Variants in ASTN2 observed in about 807,000 individuals in gnomAD.
ASTN2 encodes the protein astrotactin 2, also known as astrotactin-2.
ASTN2 carries 54 observed loss-of-function variants against 139.8 expected under a neutral mutation model. The ratio of observed to expected loss-of-function variants is 0.39; its 90% CI spans 0.31 to 0.48. The LOEUF (loss-of-function observed/expected upper bound fraction) is 0.48, where lower values mean the gene tolerates loss of function less well. ASTN2 is among the 20% of genes least tolerant of loss of function. The pLI is 0.95. For synonymous variants in ASTN2, 756 were observed against 719.5 expected, an observed-to-expected ratio of 1.05 and a Z score of -0.81; for missense variants, 1,565 against 1,725.1, an observed-to-expected ratio of 0.91 and a Z score of 1.64.
intron 19 of ASTN2, among the ~76,000 whole-genome samples, chr9:116,501,698 G>T: frequency 6.8e-6 from 1 of 147,274 alleles, no homozygotes; most frequent in African/African-American, 2.5e-5. Context: ...TCTGGGGACT[G>T]TTGTGGGGTG....
intron 1 of ASTN2, among the ~76,000 whole-genome samples, chr9:117,383,283 T>C (rs12235727): frequency 0.074 from 11,225 of 152,172 alleles, 699 homozygotes; most frequent in South Asian, 0.2. Flanking sequence ...TCCTGTACTG[T>C]TTGTATCCAT....
At chr9:116,544,511 G>GA (rs1418979813) in intron 19 of ASTN2, among the ~76,000 whole-genome samples, 6 of 152,278 alleles carry the variant, frequency 3.9e-5, no homozygotes, top group African/African-American at 1.4e-4. Flanking sequence ...CCCCATGCCA[G>GA]AAAAAGAGGA....
intron 6 of ASTN2, among the ~76,000 whole-genome samples, chr9:117,027,335 C>T (rs932056529): frequency 2.0e-5 from 3 of 152,136 alleles, no homozygotes; most frequent in African/African-American, 7.2e-5. Context: ...GTAAAAGCAA[C>T]TGTGACTCTT....
At chr9:117,100,734 T>TA (rs1587963666) in intron 4 of ASTN2, among the ~76,000 whole-genome samples, 1 of 152,208 alleles carries the variant, frequency 6.6e-6, no homozygotes, top group African/African-American at 2.4e-5. Flanking sequence ...TGTTCAATCT[T>TA]AAAAAACAAT....
chr9:116,768,848 T>C lies in ASTN2; in HGVS notation c.2397-35325A>G, dbSNP rs147840703. The stretch of plus-strand genomic sequence containing the variant: ...TGTTGTTTATAGATTATCCAGTTTA[T>C]GATATTTTGTATGGGAGCACAAATG... On this transcript the variant is annotated intron_variant, in intron 13 of 22. Transcript: ENST00000313400. Among the ~76,000 whole-genome samples the C allele has an allele frequency of 4.8e-4, 73 of 152,362 alleles. 3 individuals are homozygous for C. The East Asian group carries it at 6.7e-3, about 14-fold the overall frequency.
intron 1 of ASTN2, among the ~76,000 whole-genome samples, chr9:117,349,862 T>A (rs907801109): frequency 2.8e-4 from 43 of 152,196 alleles, no homozygotes; most frequent in African/African-American, 9.9e-4. Context: ...TTCATAACTG[T>A]TAAGATAATT....
intron 3 of ASTN2, among the ~76,000 whole-genome samples, chr9:117,168,152 G>A (rs561614943): frequency 6.6e-6 from 1 of 152,194 alleles, no homozygotes; most frequent in African/African-American, 2.4e-5. Flanking sequence ...GAGGAACTAA[G>A]AAGCTGGTGG....
At chr9:117,108,438 AACACACACACACACAC>A (rs3041147) in intron 4 of ASTN2, among the ~76,000 whole-genome samples, 1 of 145,234 alleles carries the variant, frequency 6.9e-6, no homozygotes, top group African/African-American at 2.5e-5. Context: ...AACAAAACAA[AACACACACACACACAC>A]ACACACACAC....
At position 116,976,754 on chromosome 9, in the gene ASTN2, A is replaced by C; in HGVS notation, c.1623T>G (p.Pro541=). 1 of 1,614,140 alleles carries C rather than the reference A, an allele frequency of 6.2e-7. No homozygotes were observed. Among genetic ancestry groups the C allele is most frequent in the Non-Finnish European group, 8.5e-7 (1 of 1,179,988 alleles). Residue 541 remains proline (P), a synonymous_variant, in exon 8 of 23, where the codon CCT becomes CCG. Transcript: ENST00000313400. ...GECSCHEGYA[P]DPVHRHLCVR... is the part of the protein sequence containing the mutation. ...CACACAGGTGTCTGTGAACAGGGTC[A>C]GGGGCATAGCCTTCATGACAGCTGC...
chr9:117,362,660 T>C (rs1056012924), intron 1 of ASTN2, among the ~76,000 whole-genome samples: 1 of 152,170 alleles, frequency 6.6e-6, no homozygotes, highest in African/African-American at 2.4e-5. Context: ...TTCCTTGTTT[T>C]GATGTTTGAC....
chr9:116,882,784 G>A (rs35948584), intron 10 of ASTN2, among the ~76,000 whole-genome samples: 44,168 of 151,414 alleles, frequency 0.29, 7,538 homozygotes, highest in East Asian at 0.5. Context: ...CTATGATTGC[G>A]CCACTGCACT....
chr9:117,235,939 A>G (rs2133065008), intron 2 of ASTN2, among the ~76,000 whole-genome samples: 1 of 152,316 alleles, frequency 6.6e-6, no homozygotes, highest in South Asian at 2.1e-4. Context: ...AGTGAATCTC[A>G]GATACATTAA....
chr9:117,020,002 C>CTGTGTGTGTG (rs57575432), intron 6 of ASTN2, among the ~76,000 whole-genome samples: 25 of 140,910 alleles, frequency 1.8e-4, no homozygotes, highest in East Asian at 1.3e-3. Context: ...TTCAGGGTTT[C>CTGTGTGTGTG]TGTGTGTGTG....
At chr9:116,947,602 A>G (rs963771942) in intron 10 of ASTN2, among the ~76,000 whole-genome samples, 14 of 152,234 alleles carry the variant, frequency 9.2e-5, no homozygotes, top group African/African-American at 2.4e-4. Context: ...GCTAGCAGAC[A>G]CACAGACTCA....
At chr9:117,098,793 G>A (rs946309185) in intron 4 of ASTN2, among the ~76,000 whole-genome samples, 2 of 137,412 alleles carry the variant, frequency 1.5e-5, no homozygotes, top group East Asian at 2.2e-4. Flanking sequence ...AAAAAAAAAA[G>A]AAGAAGAAAG....
chr9:116,668,352 C>T lies in ASTN2; in HGVS notation c.2807-16559G>A, dbSNP rs866547415. On this transcript the variant is annotated intron_variant, in intron 16 of 22. Transcript: ENST00000313400. ...GATTATAGGCACCCGCCATCACGCC[C>T]GGCTAATTTTTGTATTTTTGTAGAG... Among the ~76,000 whole-genome samples the T allele has an allele frequency of 1.1e-4, 16 of 152,190 alleles. No homozygotes were observed. The South Asian group carries it at 1.7e-3, about 16-fold the overall frequency.
Position 116,699,172 on chromosome 9 carries a change from C to A in ASTN2, c.2806+26599G>T. ...CTGAGCAAACCATGGGGTATCACAG[C>A]CTTGCCATCTGGCCAGTTTGTAGTA... On this transcript the variant is annotated intron_variant, in intron 16 of 22. Coordinates refer to ENST00000313400, the MANE Select transcript of ASTN2 (RefSeq NM_001365068.1). This position sits in a 1 kb window ranked among gnomAD's most constrained non-coding sequence, Gnocchi z 4.2. 6.2e-7 allele frequency: 1 copy of A among 1,614,248 alleles called. No homozygotes were observed. Among genetic ancestry groups the A allele is most frequent in the Non-Finnish European group, 8.5e-7 (1 of 1,180,048 alleles).
At chr9:116,701,647 T>A (rs1210805047) in intron 16 of ASTN2, among the ~76,000 whole-genome samples, 1 of 152,188 alleles carries the variant, frequency 6.6e-6, no homozygotes, top group Non-Finnish European at 1.5e-5. Flanking sequence ...CTGAGTGACA[T>A]TCAGCATTTA....
At chr9:117,208,383 C>T (rs1832008061) in intron 3 of ASTN2, among the ~76,000 whole-genome samples, 1 of 149,910 alleles carries the variant, frequency 6.7e-6, no homozygotes, top group African/African-American at 2.5e-5. Flanking sequence ...TCAAGAGCTT[C>T]AACAATAGAC....
Sources: gnomAD v4.1 joint callset for allele counts (sites outside exome capture counted in the v4.1 genomes callset) on GRCh38, gnomAD v4.1.1 for gene constraint, Gnocchi (gnomAD v3.1) non-coding constraint, MANE v1.5 for transcripts, NCBI Gene and HGNC (gene_info 2026-07-23, HGNC 2026-07-21) for gene names.